URI1: variants seen among roughly 807,000 people sequenced by gnomAD.
URI1 encodes URI1 prefoldin like chaperone.
In URI1, 39 loss-of-function variants were observed where a neutral mutation model predicts 60.2. That is an observed-to-expected ratio of 0.65 (90% confidence interval 0.50 to 0.85). The LOEUF (loss-of-function observed/expected upper bound fraction) is 0.85, where lower values mean the gene tolerates loss of function less well. URI1 is among the 40% of genes least tolerant of loss of function. The pLI, the probability that URI1 is intolerant of heterozygous loss-of-function variation, is 0.00. For synonymous variants in URI1, 251 were observed against 236.8 expected (o/e 1.06, Z -0.55); for missense variants, 691 against 665.9 (o/e 1.04, Z -0.42).
At chr19:29,977,811 CA>C (rs971242404) in intron 2 of URI1, among the ~76,000 whole-genome samples, 13 of 145,144 alleles carry the variant, frequency 9.0e-5, no homozygotes, top group Admixed American at 4.1e-4. Context: ...AATTAAGAGG[CA>C]AAAAAAAAGA....
intron 1 of URI1, among the ~76,000 whole-genome samples, chr19:29,954,042 A>G (rs1160314387): frequency 6.6e-6 from 1 of 152,212 alleles, no homozygotes; most frequent in Non-Finnish European, 1.5e-5. Flanking sequence ...ATCCATTACC[A>G]CAAGGTTCTT....
rs754233883 is a variant in URI1 at position 29,985,283 on chromosome 19, A to G, written c.213A>G (p.Lys71=). The change falls in exon 3 of 11, where the codon AAA becomes AAG. Residue 71 remains lysine, a synonymous_variant. Coordinates refer to ENST00000392271, the MANE Select transcript of URI1 (RefSeq NM_003796.3). The part of the protein sequence containing the change: ...LRERLSTLPD[K]LSYNIMVPFG... The stretch of plus-strand genomic sequence containing the variant: ...AAAGACTCAGCACCTTGCCTGATAA[A>G]TTGTCTTATAATATAATGGTATGTT... The G allele has an allele frequency of 3.0e-5, 49 of 1,610,830 alleles. No homozygotes were observed. Among genetic ancestry groups the G allele is most frequent in the Middle Eastern group, 1.7e-4 (1 of 6,060 alleles).
intron 1 of URI1, among the ~76,000 whole-genome samples, chr19:29,955,615 C>T (rs559877298): frequency 1.3e-5 from 2 of 152,108 alleles, no homozygotes; most frequent in East Asian, 3.9e-4. Flanking sequence ...TTGGCTGTTT[C>T]CTGTGATCTT....
intron 4 of URI1, among the ~76,000 whole-genome samples, chr19:29,990,153 A>G (rs549514829): frequency 1.3e-5 from 2 of 152,342 alleles, no homozygotes; most frequent in South Asian, 2.1e-4. Flanking sequence ...TTCTGTCTCC[A>G]TTGAAATGAC....
At chr19:29,954,005 C>G (rs2055211730) in intron 1 of URI1, among the ~76,000 whole-genome samples, 1 of 152,198 alleles carries the variant, frequency 6.6e-6, no homozygotes, top group South Asian at 2.1e-4. Context: ...TGGACCCTGA[C>G]TGTATACCCT....
At chr19:29,988,426 G>C (rs534073041) in intron 4 of URI1, among the ~76,000 whole-genome samples, 1 of 152,260 alleles carries the variant, frequency 6.6e-6, no homozygotes, top group South Asian at 2.1e-4. Flanking sequence ...CACGGAATAG[G>C]ATACAAGATA....
At chr19:29,943,947 C>T (rs335030) in intron 1 of URI1, among the ~76,000 whole-genome samples, 3,667 of 150,816 alleles carry the variant, frequency 0.024, 157 homozygotes, top group African/African-American at 0.085. Flanking sequence ...TCAGCCTGGG[C>T]AACACAGGGA....
intron 1 of URI1, chr19:29,956,328 C>G: frequency 3.8e-4 from 150 of 393,908 alleles, no homozygotes; most frequent in Non-Finnish European, 5.1e-4. Context: ...ATCAATAGGT[C>G]TTTTATTGCA....
intron 1 of URI1, among the ~76,000 whole-genome samples, chr19:29,932,972 A>G (rs1289623922): frequency 6.6e-6 from 1 of 152,168 alleles, no homozygotes; most frequent in Admixed American, 6.6e-5. Flanking sequence ...TTATTTTTAT[A>G]TGGTGAATCA....
At chr19:29,993,139 T>C (rs1347499780) in intron 4 of URI1, among the ~76,000 whole-genome samples, 2 of 152,218 alleles carry the variant, frequency 1.3e-5, no homozygotes, top group African/African-American at 4.8e-5. Context: ...AAGTTATTTT[T>C]ATTAAATGGA....
At chr19:30,011,374 A>T (rs1306420751) in intron 9 of URI1, 138 bp downstream of exon 9, 1 of 1,143,636 alleles carries the variant, frequency 8.7e-7, no homozygotes, top group East Asian at 3.0e-5. Context: ...TTAACTTAGG[A>T]TCTGATAGGC....
At chr19:29,959,429 C>T (rs971919124) in intron 1 of URI1, among the ~76,000 whole-genome samples, 2 of 152,142 alleles carry the variant, frequency 1.3e-5, no homozygotes, top group African/African-American at 4.8e-5. Context: ...GTGCCTGGCT[C>T]GTACTGTTTC....
At chr19:29,980,565 T>G (rs1019906413) in intron 2 of URI1, among the ~76,000 whole-genome samples, 1 of 141,572 alleles carries the variant, frequency 7.1e-6, no homozygotes, top group Non-Finnish European at 1.5e-5. Context: ...CTTGTCTGTT[T>G]AGGATGTTAG....
rs568467909 is a variant in URI1 at position 29,993,009 on chromosome 19, T to A, written c.367+6592T>A. 7.9e-5 allele frequency among the ~76,000 whole-genome samples: 12 copies of A among 152,358 alleles called. No individual in the cohort carries two copies. The South Asian group carries it at 2.5e-3, about 32-fold the overall frequency. On this transcript the variant is annotated intron_variant, in intron 4 of 10. Coordinates refer to ENST00000392271, the MANE Select transcript of URI1 (RefSeq NM_003796.3). Reference sequence around the variant, plus strand: ...TCTTAATAGATTTTCCTTTCAAAGATAATATGGGGAGAATTATTTTACCGT... The same window carrying A: ...TCTTAATAGATTTTCCTTTCAAAGAAAATATGGGGAGAATTATTTTACCGT...
intron 10 of URI1, chr19:30,012,747 T>G (rs1413014608): frequency 2.0e-6 from 1 of 499,290 alleles, no homozygotes; most frequent in East Asian, 4.2e-5. Context: ...ACGTTCTATT[T>G]CAGCAAAATG....
At chr19:29,939,435 G>A (rs369393697), upstream of URI1, among the ~76,000 whole-genome samples, 27 of 150,898 alleles carry the variant, frequency 1.8e-4, 1 homozygote, top group East Asian at 9.9e-4. Flanking sequence ...CCACCACGGC[G>A]GCTAATTTTT....
intron 2 of URI1, among the ~76,000 whole-genome samples, chr19:29,971,887 G>T (rs1466834140): frequency 6.6e-6 from 1 of 151,996 alleles, no homozygotes; most frequent in Non-Finnish European, 1.5e-5. Flanking sequence ...ATATATCCAT[G>T]CTGTGCTTAC....
At position 29,956,328 on chromosome 19, in the gene URI1, C is replaced by A. The variant is rs996480527; in HGVS notation, c.117+13664C>A. The A allele has an allele frequency of 1.9e-4, 74 of 393,990 alleles. No homozygotes were observed. In the Middle Eastern group the frequency reaches 2.8e-3, roughly 15 times the overall value. 24.4% of individuals were successfully genotyped at this position (393,990 alleles called of 1,614,324 possible). On this transcript the variant is annotated intron_variant, in intron 1 of 10. Transcript: ENST00000392271. ...TTTAAGAAGGTCCAAATCAATAGGTCTTTTATTGCATCATTGAAATATCAC... is the reference window on the plus strand; with the variant it reads ...TTTAAGAAGGTCCAAATCAATAGGTATTTTATTGCATCATTGAAATATCAC...
chr19:29,979,900 G>A (rs2055571500), intron 2 of URI1, among the ~76,000 whole-genome samples: 1 of 152,056 alleles, frequency 6.6e-6, no homozygotes, highest in Non-Finnish European at 1.5e-5. Flanking sequence ...AAAGTGTAAT[G>A]CTATTGATTT....
Sources: allele counts gnomAD v4.1 joint callset (sites outside exome capture counted in the v4.1 genomes callset), GRCh38; gene constraint gnomAD v4.1.1; transcripts MANE v1.5; gene names NCBI Gene and HGNC (gene_info 2026-07-23, HGNC 2026-07-21).